The following BBS9 variants were observed in gnomAD, a reference collection of about 807,000 sequenced individuals.
The protein encoded by BBS9 is protein PTHB1.
Under a neutral mutation model 117.7 loss-of-function variants are expected in BBS9, and 89 were observed. That is an observed-to-expected ratio of 0.76 (90% confidence interval 0.64 to 0.90). BBS9 has a LOEUF of 0.90. Among genes scored for constraint, BBS9 ranks in the 40% least tolerant of loss-of-function variants. The probability of loss-of-function intolerance (pLI) is 0.00; values close to 1 mark genes in which losing one functional copy is unlikely to be tolerated. For missense variants in BBS9, 982 were observed against 1,042.2 expected, an observed-to-expected ratio of 0.94 and a Z score of 0.80; for synonymous variants, 379 against 370.9, an observed-to-expected ratio of 1.02 and a Z score of -0.25.
At chr7:33,252,708 T>A (rs1796404434) in intron 5 of BBS9, among the ~76,000 whole-genome samples, 1 of 152,046 alleles carries the variant, frequency 6.6e-6, no homozygotes, top group Non-Finnish European at 1.5e-5. Context: ...GTTCTGAGCT[T>A]ACAGTCTTCA....
At chr7:33,534,469 T>TAA (rs1317202483) in intron 21 of BBS9, 11 of 459,010 alleles carry the variant, frequency 2.4e-5, no homozygotes, top group African/African-American at 2.2e-4. Flanking sequence ...GAAGATAAAC[T>TAA]ATTTTTAAGA....
intron 17 of BBS9, among the ~76,000 whole-genome samples, chr7:33,376,531 C>A (rs919527347): frequency 6.6e-6 from 1 of 151,988 alleles, no homozygotes; most frequent in Non-Finnish European, 1.5e-5. Context: ...TATGGTAGAA[C>A]GATTTATATT....
chr7:33,373,691 A>T (rs572234606), intron 17 of BBS9, among the ~76,000 whole-genome samples: 2 of 152,318 alleles, frequency 1.3e-5, no homozygotes, highest in East Asian at 3.9e-4. Flanking sequence ...AAAATGGAAA[A>T]GGTAACTAAT....
intron 5 of BBS9, among the ~76,000 whole-genome samples, chr7:33,219,637 TC>T (rs1456853095): frequency 6.6e-6 from 1 of 152,086 alleles, no homozygotes; most frequent in Non-Finnish European, 1.5e-5. Flanking sequence ...GTGTGGACAC[TC>T]CGTATCTAGC....
chr7:33,320,795 G>A (rs1412513229), intron 9 of BBS9, among the ~76,000 whole-genome samples: 1 of 151,600 alleles, frequency 6.6e-6, no homozygotes, highest in Non-Finnish European at 1.5e-5. Flanking sequence ...AACTGAGGTG[G>A]GATTATATCT....
intron 13 of BBS9, among the ~76,000 whole-genome samples, chr7:33,350,697 G>T (rs1818482425): frequency 6.6e-6 from 1 of 152,104 alleles, no homozygotes; most frequent in African/African-American, 2.4e-5. Flanking sequence ...CCTTGTTCTG[G>T]AGTTAATTCC....
chr7:33,453,239 C>T (rs1162293944), intron 19 of BBS9, among the ~76,000 whole-genome samples: 6 of 152,150 alleles, frequency 3.9e-5, no homozygotes, highest in Non-Finnish European at 7.3e-5. Flanking sequence ...TTTAACCCCA[C>T]TCAGCAAAGC....
chr7:33,338,481 G>A (rs1815837872), intron 10 of BBS9, among the ~76,000 whole-genome samples: 1 of 152,142 alleles, frequency 6.6e-6, no homozygotes, highest in African/African-American at 2.4e-5. Context: ...TACAAAAAAT[G>A]TTCATAGCCT....
At chr7:33,184,101 G>C (rs1246739249) in intron 5 of BBS9, among the ~76,000 whole-genome samples, 9 of 143,510 alleles carry the variant, frequency 6.3e-5, no homozygotes, top group Non-Finnish European at 1.0e-4. Context: ...TGCACACAGA[G>C]AGAGAGAGAG....
intron 16 of BBS9, among the ~76,000 whole-genome samples, chr7:33,366,546 T>TC (rs1205355369): frequency 2.8e-4 from 38 of 134,972 alleles, no homozygotes; most frequent in East Asian, 6.3e-4. Context: ...TTTCTTTCTT[T>TC]TTTTTTTTTT....
chr7:33,166,664 A>G (rs1449216205), intron 4 of BBS9, among the ~76,000 whole-genome samples: 1 of 152,196 alleles, frequency 6.6e-6, no homozygotes, highest in East Asian at 1.9e-4. Flanking sequence ...GGACCCACCT[A>G]GCCAGGCGTG....
intron 9 of BBS9, among the ~76,000 whole-genome samples, chr7:33,316,926 C>T (rs1810628984): frequency 6.6e-6 from 1 of 152,110 alleles, no homozygotes; most frequent in South Asian, 2.1e-4. Context: ...CTTTCTGCAT[C>T]CTAAGAAATC....
At position 33,349,101 on chromosome 7, in the gene BBS9, G is replaced by A. The variant is rs11773504; in HGVS notation, c.1363G>A (p.Ala455Thr). 325,903 of 1,610,110 alleles carry A rather than the reference G, an allele frequency of 0.2. 34,089 individuals are homozygous for A. The highest frequency in any genetic ancestry group is 0.23 in the South Asian group (20,851 of 90,992). Reference sequence around the variant, plus strand: ...GCAGAACAGAGTGATATTGCAAAAAGCCAAATTATCAGTCTACGTGCAACC... The same window carrying A: ...GCAGAACAGAGTGATATTGCAAAAAACCAAATTATCAGTCTACGTGCAACC... ...TLQNRVILQK[A>T]KLSVYVQPPL... The change falls in exon 13 of 23, where the codon GCC becomes ACC. Residue 455 changes from alanine (A) to threonine (T), a missense_variant. Physicochemically the swap from Ala to Thr is moderately conservative, Grantham distance 58 (BLOSUM62 0). Transcript: ENST00000242067.
At chr7:33,529,511 T>C (rs1850230716) in intron 20 of BBS9, among the ~76,000 whole-genome samples, 1 of 152,020 alleles carries the variant, frequency 6.6e-6, no homozygotes, top group Admixed American at 6.6e-5. Context: ...CAAAACCCAA[T>C]GGATAAGTTA....
At chr7:33,625,481 G>A (rs1865594793) in intron 21 of BBS9, among the ~76,000 whole-genome samples, 1 of 152,132 alleles carries the variant, frequency 6.6e-6, no homozygotes, top group East Asian at 1.9e-4. Context: ...AAGTCTGTTT[G>A]ATTTAAAAAC....
chr7:33,170,404 C>G (rs1462233773), intron 4 of BBS9, among the ~76,000 whole-genome samples: 4 of 147,754 alleles, frequency 2.7e-5, no homozygotes, highest in Admixed American at 1.4e-4. Flanking sequence ...ATTCAACAAC[C>G]CTTCATGCTA....
intron 21 of BBS9, among the ~76,000 whole-genome samples, chr7:33,603,908 C>T (rs1355562657): frequency 6.6e-6 from 1 of 152,148 alleles, no homozygotes; most frequent in Non-Finnish European, 1.5e-5. Context: ...TTGCCACTTC[C>T]CTCTCATTTG....
intron 2 of BBS9, among the ~76,000 whole-genome samples, chr7:33,148,849 C>T (rs1792838710): frequency 6.6e-6 from 1 of 151,972 alleles, no homozygotes; most frequent in Non-Finnish European, 1.5e-5. Flanking sequence ...TCTTGAACTT[C>T]CTGGGCTCAA....
chr7:33,377,035 A>G (rs1042243844), intron 17 of BBS9, among the ~76,000 whole-genome samples: 1 of 152,030 alleles, frequency 6.6e-6, no homozygotes, highest in Non-Finnish European at 1.5e-5. Context: ...TGCTGTGCAG[A>G]CGCTCTTTAG....
Sources: allele counts gnomAD v4.1 joint callset (sites outside exome capture counted in the v4.1 genomes callset), GRCh38; gene constraint gnomAD v4.1.1; transcripts MANE v1.5; gene names NCBI Gene and HGNC (gene_info 2026-07-23, HGNC 2026-07-21).